Variants in PCDH11X observed in about 807,000 individuals in gnomAD.
PCDH11X encodes protocadherin-11 X-linked.
Under a neutral mutation model 53.3 loss-of-function variants are expected in PCDH11X, and 18 were observed. The ratio of observed to expected loss-of-function variants is 0.34; its 90% CI spans 0.23 to 0.50. PCDH11X has a LOEUF of 0.50. Among genes scored for constraint, PCDH11X ranks in the 20% least tolerant of loss-of-function variants. The probability of loss-of-function intolerance (pLI) is 0.98; values close to 1 mark genes in which losing one functional copy is unlikely to be tolerated. For missense variants in PCDH11X, 570 were observed against 1,032.4 expected, an observed-to-expected ratio of 0.55 and a Z score of 6.14; for synonymous variants, 279 against 393.3, an observed-to-expected ratio of 0.71 and a Z score of 3.44.
At chrX:92,136,525 C>G (rs1338072752) in intron 6 of PCDH11X, among the ~76,000 whole-genome samples, 1 of 106,932 alleles carries the variant, frequency 9.4e-6, no homozygotes, top group Non-Finnish European at 1.9e-5. Context: ...TTGTTGAATT[C>G]AAATTTTAGT....
intron 10 of PCDH11X, among the ~76,000 whole-genome samples, chrX:92,541,132 C>T (rs1370034321): frequency 1.8e-5 from 2 of 109,040 alleles, no homozygotes; most frequent in African/African-American, 3.3e-5. Context: ...GAATTGTATT[C>T]CTTGTGTCCT....
intron 6 of PCDH11X, among the ~76,000 whole-genome samples, chrX:91,886,902 C>T (rs1294812975): frequency 6.0e-5 from 6 of 99,838 alleles, no homozygotes; most frequent in East Asian, 6.4e-4. Flanking sequence ...ACCCGGGAGG[C>T]GGAGCTTGCA....
At chrX:92,236,803 T>C (rs1213639833) in intron 7 of PCDH11X, among the ~76,000 whole-genome samples, 1 of 111,653 alleles carries the variant, frequency 9.0e-6, no homozygotes, top group African/African-American at 3.2e-5. Flanking sequence ...TACTGCTTAA[T>C]AGGCCTACAA....
At chrX:92,015,652 A>G (rs188818588) in intron 6 of PCDH11X, among the ~76,000 whole-genome samples, 1 of 112,070 alleles carries the variant, frequency 8.9e-6, no homozygotes, top group Admixed American at 9.5e-5. Flanking sequence ...TGATATTGCA[A>G]CAATTCAGTC....
At chrX:91,966,869 T>C (rs7886369) in intron 6 of PCDH11X, among the ~76,000 whole-genome samples, 13,919 of 109,738 alleles carry the variant, frequency 0.13, 1,334 homozygotes, top group African/African-American at 0.32. Flanking sequence ...AGGTTTGTCA[T>C]ATAGCTATAC....
At chrX:91,887,383 T>C (rs995217210) in intron 6 of PCDH11X, among the ~76,000 whole-genome samples, 4 of 111,338 alleles carry the variant, frequency 3.6e-5, no homozygotes, top group African/African-American at 1.3e-4. Context: ...AATACAAAGC[T>C]ATATTTCTTG....
At chrX:92,603,593 A>G (rs1393968372) in intron 10 of PCDH11X, among the ~76,000 whole-genome samples, 1 of 107,805 alleles carries the variant, frequency 9.3e-6, no homozygotes, top group Admixed American at 1.0e-4. Flanking sequence ...TGGATACCAG[A>G]AGGCAAGAAG....
At chrX:91,981,523 G>T (rs1384859790) in intron 6 of PCDH11X, among the ~76,000 whole-genome samples, 1 of 111,499 alleles carries the variant, frequency 9.0e-6, no homozygotes, top group African/African-American at 3.3e-5. Context: ...GAAAAAAAAT[G>T]ATTTGGAATC....
At chrX:92,615,267 T>G (rs2148819851) in intron 10 of PCDH11X, among the ~76,000 whole-genome samples, 1 of 110,631 alleles carries the variant, frequency 9.0e-6, no homozygotes, top group African/African-American at 3.3e-5. Context: ...CCACAATTTA[T>G]GTCCATGAAA....
At chrX:91,974,383 G>T (rs2062017697) in intron 6 of PCDH11X, among the ~76,000 whole-genome samples, 1 of 111,632 alleles carries the variant, frequency 9.0e-6, no homozygotes. Context: ...CAGTGGTGTG[G>T]TTGTGACTGT....
At chrX:91,826,258 T>A (rs2524417) in intron 4 of PCDH11X, among the ~76,000 whole-genome samples, 12,329 of 109,703 alleles carry the variant, frequency 0.11, 2,022 homozygotes, top group African/African-American at 0.4. Flanking sequence ...ACAAACACTA[T>A]CATTTATACC....
chrX:92,315,914 G>T (rs1312091802), intron 8 of PCDH11X, among the ~76,000 whole-genome samples: 1 of 102,306 alleles, frequency 9.8e-6, no homozygotes, highest in African/African-American at 3.6e-5. Flanking sequence ...GAAGAGTTGG[G>T]AAATTACTCA....
At chrX:92,501,790 A>G (rs1483895096) in intron 10 of PCDH11X, among the ~76,000 whole-genome samples, 1 of 111,412 alleles carries the variant, frequency 9.0e-6, no homozygotes, top group Non-Finnish European at 1.9e-5. Flanking sequence ...AGCTGGACAC[A>G]TTCCCCTTGA....
chrX:91,986,601 A>G (rs1457414957), intron 6 of PCDH11X, among the ~76,000 whole-genome samples: 1 of 108,854 alleles, frequency 9.2e-6, no homozygotes, highest in East Asian at 3.1e-4. Context: ...GGGAGAAGCC[A>G]TTTCCTTGCC....
At chrX:92,086,656 T>C (rs894439875) in intron 6 of PCDH11X, among the ~76,000 whole-genome samples, 1 of 111,546 alleles carries the variant, frequency 9.0e-6, no homozygotes, top group African/African-American at 3.3e-5. Context: ...CATACACCCT[T>C]GTATTTCATA....
chrX:92,272,978 G>T (rs1021043675), intron 8 of PCDH11X, among the ~76,000 whole-genome samples: 1 of 112,266 alleles, frequency 8.9e-6, no homozygotes, highest in African/African-American at 3.2e-5. Flanking sequence ...TACTCATTTA[G>T]GTGTAACAGC....
At position 91,815,957 on chromosome X, in the gene PCDH11X, G is replaced by C. The variant is rs761393865; in HGVS notation, c.-45+4662G>C. Among the ~76,000 whole-genome samples the C allele has an allele frequency of 2.8e-3, 303 of 108,767 alleles. 2 individuals carry two copies. Among genetic ancestry groups the C allele is most frequent in the African/African-American group, 0.01 (296 of 28,666 alleles). 94.5% of individuals were successfully genotyped at this position (108,767 alleles called of 115,157 possible). A position where few individuals can be genotyped will look rare whatever the true frequency, so the allele number is the denominator to read the frequency against. The stretch of plus-strand genomic sequence containing the variant: ...AGCCTGGCCAACATGGTGAAGCCCC[G>C]TCTCTACCAAAAATACAAAAATTAG... On this transcript the variant is annotated intron_variant, in intron 4 of 10. Transcript: ENST00000682573.
intron 7 of PCDH11X, among the ~76,000 whole-genome samples, chrX:92,256,986 C>T (rs2067604553): frequency 9.0e-6 from 1 of 111,241 alleles, no homozygotes; most frequent in African/African-American, 3.3e-5. Context: ...AAAGAAATTT[C>T]TGAGACTGGG....
At chrX:91,884,204 AAAAAAAAAG>A (rs1940088541) in intron 6 of PCDH11X, among the ~76,000 whole-genome samples, 1 of 109,124 alleles carries the variant, frequency 9.2e-6, no homozygotes, top group African/African-American at 3.3e-5. Context: ...AAAAAAAAAA[AAAAAAAAAG>A]AAAAAAAGTT....
Sources: gnomAD v4.1 joint callset for allele counts (sites outside exome capture counted in the v4.1 genomes callset) on GRCh38, gnomAD v4.1.1 for gene constraint, MANE v1.5 for transcripts, NCBI Gene and HGNC (gene_info 2026-07-23, HGNC 2026-07-21) for gene names.